The following SGK3 variants were observed in gnomAD, a reference collection of about 807,000 sequenced individuals.
SGK3 encodes serum/glucocorticoid regulated kinase family member 3.
In SGK3, 47 loss-of-function variants were observed where a neutral mutation model predicts 68.5. The ratio of observed to expected loss-of-function variants is 0.69; its 90% CI spans 0.54 to 0.87. The LOEUF is 0.87. Among genes scored for constraint, SGK3 ranks in the 40% least tolerant of loss-of-function variants. The pLI is 0.00. For missense variants in SGK3, 479 were observed against 575.5 expected (o/e 0.83, Z 1.72); for synonymous variants, 181 against 189.1 (o/e 0.96, Z 0.35).
At chr8:66,776,383 AC>A (rs1806715528) in intron 1 of SGK3, among the ~76,000 whole-genome samples, 1 of 152,232 alleles carries the variant, frequency 6.6e-6, no homozygotes, top group Non-Finnish European at 1.5e-5. Flanking sequence ...TTTATACAGA[AC>A]TTTTAAGTTG....
chr8:66,778,880 C>T (rs746290538), intron 1 of SGK3, among the ~76,000 whole-genome samples: 3 of 152,124 alleles, frequency 2.0e-5, no homozygotes, highest in Non-Finnish European at 4.4e-5. Flanking sequence ...GAGAAGACAA[C>T]TTTATTGAGC....
intron 2 of SGK3, among the ~76,000 whole-genome samples, chr8:66,794,404 C>T (rs1807588904): frequency 6.6e-6 from 1 of 151,722 alleles, no homozygotes; most frequent in African/African-American, 2.4e-5. Flanking sequence ...AATTAGTGTG[C>T]TGAAACATAC....
At chr8:66,776,404 G>A (rs1268957757) in intron 1 of SGK3, among the ~76,000 whole-genome samples, 1 of 152,186 alleles carries the variant, frequency 6.6e-6, no homozygotes, top group Non-Finnish European at 1.5e-5. Flanking sequence ...GTGCTATTTT[G>A]GGTGGATGCT....
At chr8:66,808,015 A>T (rs1808234089) in intron 4 of SGK3, among the ~76,000 whole-genome samples, 1 of 152,200 alleles carries the variant, frequency 6.6e-6, no homozygotes. Context: ...ATGAGTTTGT[A>T]TGGTGTGTAT....
chr8:66,780,965 GGTTTT>G (rs748897085), intron 1 of SGK3, among the ~76,000 whole-genome samples: 7 of 152,190 alleles, frequency 4.6e-5, no homozygotes, highest in South Asian at 4.1e-4. Context: ...TGTCTTTGTG[GGTTTT>G]GTTTTGTTTT....
At chr8:66,757,914 TA>T (rs199791389) in intron 1 of SGK3, among the ~76,000 whole-genome samples, 113 of 125,098 alleles carry the variant, frequency 9.0e-4, no homozygotes, top group Non-Finnish European at 1.3e-3. Flanking sequence ...GACTCCAGCT[TA>T]AAAAAAAAAG....
At chr8:66,728,059 G>C (rs1805032029) in intron 1 of SGK3, among the ~76,000 whole-genome samples, 1 of 152,106 alleles carries the variant, frequency 6.6e-6, no homozygotes, top group Non-Finnish European at 1.5e-5. Context: ...TTTAGTCACA[G>C]AGCTATGCAG....
At chr8:66,841,167 T>C in intron 13 of SGK3, 57 bp downstream of exon 13, 1 of 1,329,924 alleles carries the variant, frequency 7.5e-7, no homozygotes, top group Non-Finnish European at 1.0e-6. Flanking sequence ...CAAATATGAA[T>C]TACAGATTGC....
At chr8:66,822,922 A>T (rs181338705) in intron 6 of SGK3, among the ~76,000 whole-genome samples, 125 of 152,312 alleles carry the variant, frequency 8.2e-4, no homozygotes, top group Middle Eastern at 6.8e-3. Context: ...TGCCCAGGCC[A>T]CAGATCACTA....
In SGK3 at chr8:66,787,626, C is replaced by T. The variant is rs558445286; in HGVS notation, c.-121-5990C>T. Among the ~76,000 whole-genome samples, 4 of 152,258 alleles carry T rather than the reference C, an allele frequency of 2.6e-5. No individual in the cohort carries two copies. In the South Asian group the frequency reaches 8.3e-4, roughly 32 times the overall value. On this transcript the variant is annotated intron_variant, in intron 1 of 16. Coordinates refer to ENST00000521198, the MANE Select transcript of SGK3 (RefSeq NM_001033578.3). ...CCTACTGCTTTGGCCACTTTGTCAT[C>T]GGTCCATTGAGCAAGCAATGGGACG...
chr8:66,747,766 G>A (rs187793754), intron 1 of SGK3, among the ~76,000 whole-genome samples: 4 of 152,002 alleles, frequency 2.6e-5, no homozygotes, highest in Non-Finnish European at 4.4e-5. Flanking sequence ...TTATGCTGCC[G>A]TTTTGTACCA....
At chr8:66,809,820 GC>G (rs1254541207) in intron 4 of SGK3, among the ~76,000 whole-genome samples, 1 of 152,192 alleles carries the variant, frequency 6.6e-6, no homozygotes, top group African/African-American at 2.4e-5. Flanking sequence ...CTTTACTAGG[GC>G]AGAAGGATCT....
rs1388067666 is a variant in SGK3, at chr8:66,757,964, CTATATATATACACACACACTATATG to C, written c.-121-35632_-121-35608del. 3.4e-5 allele frequency among the ~76,000 whole-genome samples: 5 copies of C among 147,036 alleles called. No homozygotes were observed. The East Asian group carries it at 9.9e-4, about 29-fold the overall frequency. On this transcript the variant is annotated intron_variant, in intron 1 of 16. Transcript: ENST00000521198. ...ATATACATATATATATATACACACA[CTATATATATACACACACACTATATG>C]TATATATATACACACACACACTACA...
Position 66,861,631 on chromosome 8 carries a change from G to C in SGK3, c.*2050G>C, listed in dbSNP as rs1810746206. The C allele has an allele frequency of 6.6e-6, 1 of 152,068 alleles. No homozygotes were observed. The highest frequency in any genetic ancestry group is 1.5e-5 in the Non-Finnish European group (1 of 67,998). 9.4% of individuals were successfully genotyped at this position (152,068 alleles called of 1,614,324 possible). A position where few individuals can be genotyped will look rare whatever the true frequency, so the allele number is the denominator to read the frequency against. On this transcript the variant is annotated 3_prime_UTR_variant, in exon 17 of 17. Coordinates refer to ENST00000521198, the MANE Select transcript of SGK3 (RefSeq NM_001033578.3). ...TCCCTTCCATGTATGTCTTGAGAAAGAAATCACAGAAGCATTTCTCACCAA... is the reference window on the plus strand; with the variant it reads ...TCCCTTCCATGTATGTCTTGAGAAACAAATCACAGAAGCATTTCTCACCAA...
chr8:66,836,684 A>C (rs1474483431), intron 10 of SGK3, among the ~76,000 whole-genome samples: 3 of 150,662 alleles, frequency 2.0e-5, no homozygotes, highest in African/African-American at 7.3e-5. Flanking sequence ...GAAATGTTTC[A>C]TGTTATATCC....
At chr8:66,857,791 G>GT (rs1458502158) in intron 16 of SGK3, among the ~76,000 whole-genome samples, 81 of 115,580 alleles carry the variant, frequency 7.0e-4, no homozygotes, top group Admixed American at 1.4e-3. Context: ...TCAAAAAAGT[G>GT]TGTGTGTATG....
At chr8:66,779,601 T>TATATATATATAA (rs1554598086) in intron 1 of SGK3, among the ~76,000 whole-genome samples, 7 of 104,118 alleles carry the variant, frequency 6.7e-5, no homozygotes, top group South Asian at 2.8e-4. Flanking sequence ...TATATATATA[T>TATATATATATAA]AAAACACATT....
At chr8:66,847,465 T>C (rs1810080468) in intron 15 of SGK3, 117 bp downstream of exon 15, 1 of 1,442,360 alleles carries the variant, frequency 6.9e-7, no homozygotes, top group Non-Finnish European at 9.3e-7. Context: ...AATAGCAACA[T>C]GGAAAAAAAG....
intron 14 of SGK3, 94 bp downstream of exon 14, chr8:66,843,641 A>G: frequency 7.9e-7 from 1 of 1,265,386 alleles, no homozygotes; most frequent in East Asian, 2.4e-5. Flanking sequence ...GGACACTTAG[A>G]TAACACTAAC....
Sources: allele counts gnomAD v4.1 joint callset (sites outside exome capture counted in the v4.1 genomes callset), GRCh38; gene constraint gnomAD v4.1.1; transcripts MANE v1.5; gene names NCBI Gene and HGNC (gene_info 2026-07-23, HGNC 2026-07-21).